The following SOX6 variants were observed in gnomAD, a reference collection of about 807,000 sequenced individuals.
The protein encoded by SOX6 is transcription factor SOX-6.
In SOX6, 11 loss-of-function variants were observed where a neutral mutation model predicts 97.8. The ratio of observed to expected loss-of-function variants is 0.11; its 90% CI spans 0.07 to 0.19. The LOEUF (loss-of-function observed/expected upper bound fraction) is 0.19, where lower values mean the gene tolerates loss of function less well. Ranked by LOEUF, SOX6 falls within the 10% of genes least tolerant of loss-of-function variation. The pLI is 1.00. For missense variants in SOX6, 810 were observed against 1,039.5 expected, an observed-to-expected ratio of 0.78 and a Z score of 3.04; for synonymous variants, 360 against 371.4, an observed-to-expected ratio of 0.97 and a Z score of 0.35.
chr11:16,156,500 T>C (rs1459112232), intron 6 of SOX6, among the ~76,000 whole-genome samples: 1 of 152,048 alleles, frequency 6.6e-6, no homozygotes, highest in Non-Finnish European at 1.5e-5. Context: ...CAAACTTATA[T>C]ATCCAACATC....
At chr11:16,394,857 T>C (rs1858298719) in intron 1 of SOX6, among the ~76,000 whole-genome samples, 2 of 151,774 alleles carry the variant, frequency 1.3e-5, no homozygotes, top group Non-Finnish European at 1.5e-5. Flanking sequence ...TCAGTTCCTG[T>C]GTCCAGGAAT....
chr11:16,289,073 G>C (rs1854832987), intron 3 of SOX6, among the ~76,000 whole-genome samples: 1 of 151,624 alleles, frequency 6.6e-6, no homozygotes, highest in Admixed American at 6.6e-5. Context: ...TTAAGTAATG[G>C]CACCAAAACA....
chr11:16,671,309 T>G (rs1490344309), intron 3 of SOX6, among the ~76,000 whole-genome samples: 2 of 152,078 alleles, frequency 1.3e-5, no homozygotes, highest in Non-Finnish European at 2.9e-5. Context: ...CTGGCTGAAA[T>G]GGCAGAAATA....
At chr11:16,681,718 G>A (rs531710013) in intron 3 of SOX6, among the ~76,000 whole-genome samples, 1 of 152,216 alleles carries the variant, frequency 6.6e-6, no homozygotes, top group South Asian at 2.1e-4. Context: ...CCACTAGCCA[G>A]ACTAATAAAG....
In SOX6 at chr11:16,132,395, AAAG is replaced by A. The variant is rs1448532142; in HGVS notation, c.778-20475_778-20473del. 2.7e-3 allele frequency among the ~76,000 whole-genome samples: 213 copies of A among 78,396 alleles called. 18 individuals carry two copies. Among genetic ancestry groups the A allele is most frequent in the African/African-American group, 0.011 (194 of 18,222 alleles). 51.4% of individuals were successfully genotyped at this position (78,396 alleles called of 152,430 possible). A position where few individuals can be genotyped will look rare whatever the true frequency, so the allele number is the denominator to read the frequency against. The stretch of plus-strand genomic sequence containing the variant: ...GAAAGAAAGAAAGAAAGAAAGAAAG[AAAG>A]AAAAAAGAAAGAAAGAAAGAAAGAA... On this transcript the variant is annotated intron_variant, in intron 6 of 15. Transcript: ENST00000683767.
At chr11:16,243,353 T>C (rs1446309648) in intron 3 of SOX6, among the ~76,000 whole-genome samples, 1 of 151,976 alleles carries the variant, frequency 6.6e-6, no homozygotes, top group East Asian at 1.9e-4. Flanking sequence ...CATATTAAGT[T>C]TCTTGATGGT....
At chr11:16,404,412 T>A (rs11023934) in intron 1 of SOX6, among the ~76,000 whole-genome samples, 30,733 of 151,790 alleles carry the variant, frequency 0.2, 3,366 homozygotes, top group Admixed American at 0.32. Flanking sequence ...TTTCTGTGTA[T>A]CAATGTAACA....
At chr11:15,991,199 T>C (rs1747571834) in intron 13 of SOX6, among the ~76,000 whole-genome samples, 1 of 152,214 alleles carries the variant, frequency 6.6e-6, no homozygotes, top group South Asian at 2.1e-4. Flanking sequence ...ATAACTAATA[T>C]GATACCTTTT....
intron 3 of SOX6, among the ~76,000 whole-genome samples, chr11:16,663,943 T>A (rs912266116): frequency 6.6e-6 from 1 of 152,190 alleles, no homozygotes; most frequent in South Asian, 2.1e-4. Flanking sequence ...TGACTTAAGA[T>A]CAATATAGAG....
At position 16,234,654 on chromosome 11, in the gene SOX6, T is replaced by C. The variant is rs774284517; in HGVS notation, c.463A>G (p.Lys155Glu). Reference protein sequence around the residue: ...TEQEDSSCMEKLLSKDWKEKM... With the variant: ...TEQEDSSCMEELLSKDWKEKM... ...TCCTTCCAATCTTTTGAAAGTAGTT[T>C]TTCCATGCAGGAGGAATCTATTAAA... Residue 155 changes from lysine (K) to glutamate (E), a missense_variant, in exon 4 of 16, where the codon AAA (lysine) becomes GAA (glutamate). By Grantham distance (56) the Lys-to-Glu change is moderately conservative. This residue lies in a region of SOX6 where 110 missense variants were observed against 119.0 expected (regional missense o/e 0.92). Transcript: ENST00000683767. 23 of 1,587,738 alleles carry C rather than the reference T, an allele frequency of 1.4e-5. No individual in the cohort carries two copies. The highest frequency in any genetic ancestry group is 2.0e-5 in the Non-Finnish European group (23 of 1,160,576).
intron 4 of SOX6, among the ~76,000 whole-genome samples, chr11:16,584,826 T>C (rs1471672526): frequency 6.6e-6 from 1 of 152,198 alleles, no homozygotes; most frequent in East Asian, 1.9e-4. Context: ...AAATCTAGTC[T>C]GCAATCACTG....
chr11:16,426,494 A>G (rs1464678881), intron 1 of SOX6, among the ~76,000 whole-genome samples: 3 of 152,100 alleles, frequency 2.0e-5, no homozygotes, highest in Non-Finnish European at 4.4e-5. Context: ...GAAACTAGAA[A>G]TAAGACCACA....
intron 1 of SOX6, among the ~76,000 whole-genome samples, chr11:16,453,499 T>C (rs917798746): frequency 6.6e-6 from 1 of 152,178 alleles, no homozygotes; most frequent in Non-Finnish European, 1.5e-5. Context: ...TTTCCTACTA[T>C]AATTCATTAG....
intron 3 of SOX6, among the ~76,000 whole-genome samples, chr11:16,617,766 A>C (rs1241774722): frequency 6.6e-6 from 1 of 151,910 alleles, no homozygotes; most frequent in African/African-American, 2.4e-5. Context: ...TAGCAATTTA[A>C]TAAAGATTAC....
At position 16,605,096 on chromosome 11, in the gene SOX6, G is replaced by A. The variant is rs1351845030; in HGVS notation, n.609+6985C>T. Among the ~76,000 whole-genome samples the A allele has an allele frequency of 6.6e-6, 1 of 151,960 alleles. No homozygotes were observed. The highest frequency in any genetic ancestry group is 6.5e-5 in the Admixed American group (1 of 15,280). ...CGGCCGGGCTCGGGCTGGGTCCCGG[G>A]GCGGGTGGCAGCACCGCCCCCTGCC... is the stretch of plus-strand genomic sequence containing the variant. On this transcript the variant is annotated intron_variant and non_coding_transcript_variant, in intron 4 of 5. Transcript: ENST00000524520. This position sits in a 1 kb window ranked among gnomAD's most constrained non-coding sequence, Gnocchi z 5.3.
intron 3 of SOX6, among the ~76,000 whole-genome samples, chr11:16,287,196 T>C (rs780890480): frequency 2.0e-5 from 3 of 151,924 alleles, no homozygotes; most frequent in Admixed American, 6.6e-5. Context: ...GGCAAAGAGA[T>C]GCTATATTGT....
At chr11:16,362,706 C>T (rs1857240200) in intron 1 of SOX6, among the ~76,000 whole-genome samples, 2 of 152,012 alleles carry the variant, frequency 1.3e-5, no homozygotes, top group South Asian at 2.1e-4. Flanking sequence ...ATCTGTTATG[C>T]CTGCAGAATT....
At chr11:16,346,328 C>G (rs1391493723) in intron 1 of SOX6, among the ~76,000 whole-genome samples, 1 of 152,002 alleles carries the variant, frequency 6.6e-6, no homozygotes, top group Non-Finnish European at 1.5e-5. Context: ...CAAAGGACAC[C>G]AGTCCACCCA....
chr11:15,995,473 T>C, intron 13 of SOX6, among the ~76,000 whole-genome samples: 1 of 152,198 alleles, frequency 6.6e-6, no homozygotes, highest in Non-Finnish European at 1.5e-5. Flanking sequence ...ATACAGAGTA[T>C]CTACAATGGA....
Sources: allele counts gnomAD v4.1 joint callset (sites outside exome capture counted in the v4.1 genomes callset), GRCh38; gene constraint gnomAD v4.1.1; regional missense constraint gnomAD v4.1.1; non-coding constraint Gnocchi (gnomAD v3.1); transcripts MANE v1.5; gene names NCBI Gene and HGNC (gene_info 2026-07-23, HGNC 2026-07-21).